Variants in DNAJC22 observed in about 807,000 individuals in gnomAD.
The protein encoded by DNAJC22 is dnaJ homolog subfamily C member 22.
DNAJC22 carries 24 observed loss-of-function variants against 22.2 expected under a neutral mutation model. The observed-to-expected ratio is 1.08, with a 90% CI of 0.78 to 1.52. The LOEUF (loss-of-function observed/expected upper bound fraction) is 1.52. Among genes scored for constraint, DNAJC22 ranks in the 40% most tolerant of loss-of-function variants. The pLI is 0.00. For missense variants in DNAJC22, 434 were observed against 421.7 expected (o/e 1.03, Z -0.26); for synonymous variants, 160 against 167.4 (o/e 0.96, Z 0.34).
At position 49,352,546 on chromosome 12, in the gene DNAJC22, G is replaced by A. The variant is rs911851550; in HGVS notation, c.*1044G>A. 1.3e-4 allele frequency: 19 copies of A among 147,174 alleles called. No homozygotes were observed. Among genetic ancestry groups the A allele is most frequent in the African/African-American group, 4.3e-4 (16 of 36,872 alleles). The allele number at this position is 147,174 out of a possible 1,614,324, so 9.1% of individuals were successfully genotyped here. On this transcript the variant is annotated 3_prime_UTR_variant, in exon 4 of 4. Coordinates refer to ENST00000549441, the MANE Select transcript of DNAJC22 (RefSeq NM_001304944.2). ...AAAAATTAAATAAATAAATAAGTAA[G>A]TAAATAAATAAATAAATAAATGTAT...
At chr12:49,351,090 C>G (rs1943777912) in intron 3 of DNAJC22, 40 of 924,852 alleles carry the variant, frequency 4.3e-5, no homozygotes, top group Non-Finnish European at 5.0e-5. Flanking sequence ...AGATCTAGAG[C>G]TTGTCTATGT....
rs1943747083 is a variant in DNAJC22 at position 49,349,397 on chromosome 12, A to G, written c.525A>G (p.Ser175=). The G allele has an allele frequency of 3.7e-6, 6 of 1,607,910 alleles. No individual in the cohort carries two copies. The highest frequency in any genetic ancestry group is 5.1e-6 in the Non-Finnish European group (6 of 1,177,424). The part of the protein sequence containing the change: ...RHRRYKALVA[S]EPLSVRLYRL... ...GCCGCTACAAAGCTTTGGTGGCATC[A>G]GAGCCGCTCAGTGTGCGGCTCTATC... Residue 175 remains serine, a synonymous_variant, in exon 3 of 4, where the codon TCA becomes TCG. Coordinates refer to ENST00000549441, the MANE Select transcript of DNAJC22 (RefSeq NM_001304944.2).
intron 3 of DNAJC22, among the ~76,000 whole-genome samples, chr12:49,350,081 C>CT (rs113751660): frequency 0.018 from 2,643 of 144,604 alleles, 70 homozygotes; most frequent in African/African-American, 0.058. Context: ...TCTTCTTCTT[C>CT]TTTTTTTTTT....
chr12:49,348,276 C>T (rs1360547656), intron 2 of DNAJC22, among the ~76,000 whole-genome samples, 171 bp downstream of exon 2: 3 of 152,080 alleles, frequency 2.0e-5, no homozygotes, highest in African/African-American at 7.2e-5. Context: ...TTGTGGGGTG[C>T]CAAGGTCTAG....
rs201327431 is a variant in DNAJC22, at chr12:49,349,423, G to A, written c.551G>A (p.Arg184His). 1.1e-4 allele frequency: 173 copies of A among 1,613,302 alleles called. 1 individual carries two copies. In the East Asian group the frequency reaches 1.8e-3, roughly 16 times the overall value. ...GAGCCGCTCAGTGTGCGGCTCTATC[G>A]TCTGGGCTTGGCTTACCTTGCTTTC... ...ASEPLSVRLY[R>H]LGLAYLAFTG... The change falls in exon 3 of 4, where the codon CGT (arginine) becomes CAT (histidine). Residue 184 changes from arginine to histidine, a missense_variant. Transcript: ENST00000549441.
At chr12:49,349,859 T>G in intron 3 of DNAJC22, 147 bp downstream of exon 3, 1 of 1,481,406 alleles carries the variant, frequency 6.8e-7, no homozygotes, top group Non-Finnish European at 8.9e-7. Context: ...ACAGATGCTG[T>G]GAGTAGGAAA....
intron 3 of DNAJC22, 183 bp from the exon 4 acceptor site, chr12:49,351,133 AT>A (rs1208846754): frequency 5.1e-6 from 5 of 980,884 alleles, no homozygotes; most frequent in East Asian, 1.1e-4. Flanking sequence ...TTCTAAAATA[AT>A]TTTTTTCTTT....
rs762749870 is a variant in DNAJC22, at chr12:49,348,857, AC to A, written c.-14del. 1 of 1,474,354 alleles carries A rather than the reference AC, an allele frequency of 6.8e-7. No homozygotes were observed. The highest frequency in any genetic ancestry group is 9.0e-7 in the Non-Finnish European group (1 of 1,113,208). 91.3% of individuals were successfully genotyped at this position (1,474,354 alleles called of 1,614,324 possible). A position where few individuals can be genotyped will look rare whatever the true frequency, so the allele number is the denominator to read the frequency against. ...TGCGAGTAACCGGACTTGTTCTGAG[AC>A]CTTTGCCCTAGAGGATGGCCAAGGG... On this transcript the variant is annotated 5_prime_UTR_variant, in exon 3 of 4. An upstream open reading frame in the 5' UTR loses its in-frame stop. Transcript: ENST00000549441.
intron 2 of DNAJC22, among the ~76,000 whole-genome samples, chr12:49,348,392 A>T (rs952490264): frequency 1.3e-5 from 2 of 152,122 alleles, no homozygotes; most frequent in Non-Finnish European, 2.9e-5. Context: ...AAGGCAGGAG[A>T]GTGGCTAAAG....
intron 3 of DNAJC22, 194 bp downstream of exon 3, chr12:49,349,906 C>A: frequency 2.0e-6 from 2 of 977,298 alleles, no homozygotes; most frequent in Non-Finnish European, 2.4e-6. Flanking sequence ...TATTGAGGTA[C>A]AACATATATA....
At chr12:49,351,150 T>A in intron 3 of DNAJC22, 167 bp from the exon 4 acceptor site, 1 of 1,368,348 alleles carries the variant, frequency 7.3e-7, no homozygotes, top group South Asian at 1.8e-5. Flanking sequence ...TCTTTTATTA[T>A]TACTCTATAA....
rs561830259 is a variant in DNAJC22, at chr12:49,353,614, T to C, written c.*2112T>C. ...GTGAGCTGAGATCGTACCACTACAC[T>C]CCAGCCTGAGTGACACAGTGACAGC... On this transcript the variant is annotated 3_prime_UTR_variant, in exon 4 of 4. Transcript: ENST00000549441. 4 of 151,902 alleles carry C rather than the reference T, an allele frequency of 2.6e-5. No individual in the cohort carries two copies. In the East Asian group the frequency reaches 7.7e-4, roughly 29 times the overall value. The allele number at this position is 151,902 out of a possible 1,614,324, so 9.4% of individuals were successfully genotyped here. A position where few individuals can be genotyped will look rare whatever the true frequency, so the allele number is the denominator to read the frequency against.
At position 49,352,245 on chromosome 12, in the gene DNAJC22, C is replaced by T. The variant is rs1204395987; in HGVS notation, c.*743C>T. On this transcript the variant is annotated 3_prime_UTR_variant, in exon 4 of 4. Transcript: ENST00000549441. ...TGTGTAAAGCAGCAGGGCATAGTGG[C>T]TTACGCCTGTAATCCCAACACTTTG... is the stretch of plus-strand genomic sequence containing the variant. 1 of 152,288 alleles carries T rather than the reference C, an allele frequency of 6.6e-6. No homozygotes were observed. Among genetic ancestry groups the T allele is most frequent in the African/African-American group, 2.4e-5 (1 of 41,474 alleles). 9.4% of individuals were successfully genotyped at this position (152,288 alleles called of 1,614,324 possible). A position where few individuals can be genotyped will look rare whatever the true frequency, so the allele number is the denominator to read the frequency against.
At position 49,351,511 on chromosome 12, in the gene DNAJC22, T is replaced by G. The variant is rs769694837; in HGVS notation, c.*9T>G. On this transcript the variant is annotated 3_prime_UTR_variant, in exon 4 of 4. Transcript: ENST00000549441. Reference sequence around the variant, plus strand: ...GGGGATCCCGGAGGTGAAAAGAAACTTCCCCCTGAGGACTGACTCTTCCTA... The same window carrying G: ...GGGGATCCCGGAGGTGAAAAGAAACGTCCCCCTGAGGACTGACTCTTCCTA... The G allele has an allele frequency of 1.3e-6, 2 of 1,528,436 alleles. No individual in the cohort carries two copies. The highest frequency in any genetic ancestry group is 2.3e-5 in the Admixed American group (1 of 44,410). The allele number at this position is 1,528,436 out of a possible 1,614,324, so 94.7% of individuals were successfully genotyped here.
At position 49,349,687 on chromosome 12, in the gene DNAJC22, A is replaced by G; in HGVS notation, c.815A>G (p.Asp272Gly). The G allele has an allele frequency of 6.2e-7, 1 of 1,614,202 alleles. No individual in the cohort carries two copies. Among genetic ancestry groups the G allele is most frequent in the Admixed American group, 1.7e-5 (1 of 60,030 alleles). Residue 272 changes from aspartate (D) to glycine (G), a missense_variant, in exon 3 of 4, where the codon GAT becomes GGT. Physicochemically the swap from Asp to Gly is moderately conservative, Grantham distance 94. Transcript: ENST00000549441. The part of the protein sequence containing the change: ...KLYEFVHSFQ[D>G]EKRQLAYQVL... ...TATGAGTTTGTTCACAGTTTTCAGGATGAGAAGCGTCAGCTGGCTTACCAG... is the reference window on the plus strand; with the variant it reads ...TATGAGTTTGTTCACAGTTTTCAGGGTGAGAAGCGTCAGCTGGCTTACCAG...
Position 49,352,428 on chromosome 12 carries a change from A to AGGC in DNAJC22, c.*926_*927insGGC, listed in dbSNP as rs1227743129. 2.6e-5 allele frequency: 4 copies of AGGC among 152,220 alleles called. No individual in the cohort carries two copies. The highest frequency in any genetic ancestry group is 9.7e-5 in the African/African-American group (4 of 41,450). The allele number at this position is 152,220 out of a possible 1,614,324, so 9.4% of individuals were successfully genotyped here. ...CTAGTCGGGAGGCTGAGGCAGGAAA[A>AGGC]TCACTTGAGCCTGGGAGGTGGAGGT... On this transcript the variant is annotated 3_prime_UTR_variant, in exon 4 of 4. Transcript: ENST00000549441.
In DNAJC22 at chr12:49,351,963, A is replaced by T. The variant is rs1943791205; in HGVS notation, c.*461A>T. ...ACATGAGAAAACAATGGGGTGAGAA[A>T]AGGTTGTGGTAGAAGGATGTGTTTA... On this transcript the variant is annotated 3_prime_UTR_variant, in exon 4 of 4. Transcript: ENST00000549441. 1 of 152,150 alleles carries T rather than the reference A, an allele frequency of 6.6e-6. No individual in the cohort carries two copies. The highest frequency in any genetic ancestry group is 2.1e-4 in the South Asian group (1 of 4,832). 9.4% of individuals were successfully genotyped at this position (152,150 alleles called of 1,614,324 possible).
chr12:49,351,317 G>T lies in DNAJC22; in HGVS notation c.841G>T (p.Val281Phe), dbSNP rs1388675935. 6.2e-7 allele frequency: 1 copy of T among 1,613,346 alleles called. No homozygotes were observed. Among genetic ancestry groups the T allele is most frequent in the Non-Finnish European group, 8.5e-7 (1 of 1,179,732 alleles). ...QDEKRQLAYQ[V>F]LGLSEGATNE... is the part of the protein sequence containing the mutation. ...ATTTGTCATCTTCTGTTTCCATAAG[G>T]TTTTGGGCCTCTCAGAAGGGGCAAC... The change falls in exon 4 of 4, where the codon GTT (valine) becomes TTT (phenylalanine). Residue 281 changes from valine (V) to phenylalanine (F), a missense_variant and splice_region_variant. Physicochemically the swap from Val to Phe is conservative, Grantham distance 50. Coordinates refer to ENST00000549441, the MANE Select transcript of DNAJC22 (RefSeq NM_001304944.2).
In DNAJC22 at chr12:49,351,339, C is replaced by T. The variant is rs1000796956; in HGVS notation, c.863C>T (p.Ala288Val). 3 of 1,613,542 alleles carry T rather than the reference C, an allele frequency of 1.9e-6. No individual in the cohort carries two copies. Among genetic ancestry groups the T allele is most frequent in the Non-Finnish European group, 2.5e-6 (3 of 1,179,752 alleles). Reference protein sequence around the residue: ...AYQVLGLSEGATNEEIHRSYQ... With the variant: ...AYQVLGLSEGVTNEEIHRSYQ... ...AAGGTTTTGGGCCTCTCAGAAGGGGCAACAAATGAAGAAATACATCGGAGT... is the reference window on the plus strand; with the variant it reads ...AAGGTTTTGGGCCTCTCAGAAGGGGTAACAAATGAAGAAATACATCGGAGT... The change falls in exon 4 of 4, where the codon GCA becomes GTA. Residue 288 changes from alanine (A) to valine (V), a missense_variant. Transcript: ENST00000549441.
Sources: allele counts gnomAD v4.1 joint callset (sites outside exome capture counted in the v4.1 genomes callset), GRCh38; gene constraint gnomAD v4.1.1; transcripts MANE v1.5; gene names NCBI Gene and HGNC (gene_info 2026-07-23, HGNC 2026-07-21).